The following ZNF562 variants were observed in gnomAD, a reference collection of about 807,000 sequenced individuals.
ZNF562 encodes zinc finger protein 562.
Under a neutral mutation model 17.5 loss-of-function variants are expected in ZNF562, and 13 were observed. The observed-to-expected ratio is 0.74, with a 90% CI of 0.48 to 1.18. The LOEUF (loss-of-function observed/expected upper bound fraction) is 1.18. Among genes scored for constraint, ZNF562 ranks in the 50% most tolerant of loss-of-function variants. The pLI is 0.00. For missense variants in ZNF562, 481 were observed against 498.5 expected, an observed-to-expected ratio of 0.96 and a Z score of 0.33; for synonymous variants, 163 against 165.4, an observed-to-expected ratio of 0.99 and a Z score of 0.11.
chr19:9,648,055 T>C lies in ZNF562; in HGVS notation c.*4894A>G, dbSNP rs1257260500. On this transcript the variant is annotated 3_prime_UTR_variant, in exon 6 of 6. Transcript: ENST00000453372. ...CCACTATTCCCAACCTAGATGACTCTTATAGATTAAGAATTTAGAAATAGT... is the reference window on the plus strand; with the variant it reads ...CCACTATTCCCAACCTAGATGACTCCTATAGATTAAGAATTTAGAAATAGT... 3 of 152,256 alleles carry C rather than the reference T, an allele frequency of 2.0e-5. No homozygotes were observed. Among genetic ancestry groups the C allele is most frequent in the Non-Finnish European group, 4.4e-5 (3 of 68,014 alleles). The allele number at this position is 152,256 out of a possible 1,614,324, so 9.4% of individuals were successfully genotyped here.
In ZNF562 at chr19:9,652,477, C is replaced by G. The variant is rs1198105582; in HGVS notation, c.*472G>C. ...CTAACCAACAGGGGCTGGGATCAAT[C>G]TGCATGATTTATCTCGTACAGAACT... is the stretch of plus-strand genomic sequence containing the variant. On this transcript the variant is annotated 3_prime_UTR_variant, in exon 6 of 6. Coordinates refer to ENST00000453372, the MANE Select transcript of ZNF562 (RefSeq NM_001130031.2). 6.6e-6 allele frequency: 1 copy of G among 152,504 alleles called. No homozygotes were observed. Among genetic ancestry groups the G allele is most frequent in the Admixed American group, 6.6e-5 (1 of 15,266 alleles). 9.4% of individuals were successfully genotyped at this position (152,504 alleles called of 1,614,324 possible). A position where few individuals can be genotyped will look rare whatever the true frequency, so the allele number is the denominator to read the frequency against.
rs1306003577 is a variant in ZNF562 at position 9,650,450 on chromosome 19, A to G, written c.*2499T>C. The G allele has an allele frequency of 6.6e-6, 1 of 150,804 alleles. No homozygotes were observed. The highest frequency in any genetic ancestry group is 1.5e-5 in the Non-Finnish European group (1 of 67,774). The allele number at this position is 150,804 out of a possible 1,614,324, so 9.3% of individuals were successfully genotyped here. On this transcript the variant is annotated 3_prime_UTR_variant, in exon 6 of 6. Coordinates refer to ENST00000453372, the MANE Select transcript of ZNF562 (RefSeq NM_001130031.2). ...CACACAGTGACCCCCCAAATTTCAT[A>G]TGAAGTTCCAAACCTCAATGTGACT...
Position 9,644,891 on chromosome 19 carries a change from T to A in ZNF562, c.*8058A>T, listed in dbSNP as rs562932093. 6 of 152,324 alleles carry A rather than the reference T, an allele frequency of 3.9e-5. No individual in the cohort carries two copies. The highest frequency in any genetic ancestry group is 1.4e-4 in the African/African-American group (6 of 41,582). 9.4% of individuals were successfully genotyped at this position (152,324 alleles called of 1,614,324 possible). A position where few individuals can be genotyped will look rare whatever the true frequency, so the allele number is the denominator to read the frequency against. Reference sequence around the variant, plus strand: ...CAGCCAAACCATATCAGCTGGCAACTTGCTTGCAGCTCATAACATCAACTG... The same window carrying A: ...CAGCCAAACCATATCAGCTGGCAACATGCTTGCAGCTCATAACATCAACTG... On this transcript the variant is annotated 3_prime_UTR_variant, in exon 6 of 6. Transcript: ENST00000453372.
At chr19:9,656,306 A>T (rs1198295974) in intron 5 of ZNF562, among the ~76,000 whole-genome samples, 1 of 152,132 alleles carries the variant, frequency 6.6e-6, no homozygotes, top group African/African-American at 2.4e-5. Flanking sequence ...TCAGGAGATC[A>T]AGACCATCCT....
At chr19:9,665,083 A>G (rs1349531586) in intron 1 of ZNF562, among the ~76,000 whole-genome samples, 5 of 152,046 alleles carry the variant, frequency 3.3e-5, no homozygotes, top group Admixed American at 3.3e-4. Flanking sequence ...TTAGCTGGGC[A>G]TGGTGGCACA....
chr19:9,658,598 C>T (rs537434078), intron 3 of ZNF562, among the ~76,000 whole-genome samples: 2 of 152,278 alleles, frequency 1.3e-5, no homozygotes, highest in East Asian at 3.9e-4. Flanking sequence ...GATCGGCCCA[C>T]CTCAGCCTCC....
rs116064245 is a variant in ZNF562 at position 9,668,490 on chromosome 19, C to T, written c.-131+6525G>A. On this transcript the variant is annotated intron_variant, in intron 1 of 5. Transcript: ENST00000453372. ...AGAATACAGAAAAAAAATGGAAAGA[C>T]ATTCCATGCTCATGGATTAGAAGAA... Among the ~76,000 whole-genome samples the T allele has an allele frequency of 3.6e-3, 543 of 152,184 alleles. 2 individuals are homozygous for T. The highest frequency in any genetic ancestry group is 0.012 in the African/African-American group (518 of 41,516).
chr19:9,662,861 A>G (rs1312511679), intron 1 of ZNF562, among the ~76,000 whole-genome samples: 1 of 151,796 alleles, frequency 6.6e-6, no homozygotes, highest in African/African-American at 2.4e-5. Context: ...TCTCTACTAA[A>G]AATACAAACC....
intron 3 of ZNF562, chr19:9,658,345 C>A: frequency 1.0e-6 from 1 of 983,640 alleles, no homozygotes; most frequent in African/African-American, 1.8e-5. Flanking sequence ...CACTTTTTTT[C>A]TTTCTTTCTT....
chr19:9,662,814 A>G (rs946712608), intron 1 of ZNF562, among the ~76,000 whole-genome samples: 1 of 152,028 alleles, frequency 6.6e-6, no homozygotes, highest in Non-Finnish European at 1.5e-5. Flanking sequence ...TGAGGTCAGG[A>G]GTTCAAGATC....
At chr19:9,669,732 GCGCA>G (rs1555699545) in intron 1 of ZNF562, among the ~76,000 whole-genome samples, 134 of 76,788 alleles carry the variant, frequency 1.7e-3, no homozygotes, top group East Asian at 8.7e-3. Flanking sequence ...GCGCGCGCGC[GCGCA>G]CACACACACA....
chr19:9,674,827 CT>C (rs957365650), intron 1 of ZNF562, 187 bp downstream of exon 1: 3 of 152,432 alleles, frequency 2.0e-5, no homozygotes, highest in Middle Eastern at 3.4e-3. Flanking sequence ...AACAAACACA[CT>C]TCCCGACGCA....
In ZNF562 at chr19:9,649,647, C is replaced by T. The variant is rs987688980; in HGVS notation, c.*3302G>A. The T allele has an allele frequency of 6.6e-6, 1 of 152,146 alleles. No homozygotes were observed. Among genetic ancestry groups the T allele is most frequent in the South Asian group, 2.1e-4 (1 of 4,832 alleles). 9.4% of individuals were successfully genotyped at this position (152,146 alleles called of 1,614,324 possible). A position where few individuals can be genotyped will look rare whatever the true frequency, so the allele number is the denominator to read the frequency against. The stretch of plus-strand genomic sequence containing the variant: ...GCTTATTAGGAAGAGGAAATTCCCA[C>T]CTAATAAATTTTAGTCAGACCAGTT... On this transcript the variant is annotated 3_prime_UTR_variant, in exon 6 of 6. Coordinates refer to ENST00000453372, the MANE Select transcript of ZNF562 (RefSeq NM_001130031.2).
chr19:9,656,867 C>CAAAAAAAA (rs1358160894), intron 4 of ZNF562, among the ~76,000 whole-genome samples: 1 of 112,952 alleles, frequency 8.9e-6, no homozygotes, highest in Admixed American at 9.6e-5. Context: ...TAGTAAAATA[C>CAAAAAAAA]AAAAATATAT....
chr19:9,645,135 C>G lies in ZNF562; in HGVS notation c.*7814G>C, dbSNP rs1291677924. 2.0e-5 allele frequency: 3 copies of G among 151,928 alleles called. No individual in the cohort carries two copies. Among genetic ancestry groups the G allele is most frequent in the African/African-American group, 7.3e-5 (3 of 41,338 alleles). 9.4% of individuals were successfully genotyped at this position (151,928 alleles called of 1,614,324 possible). On this transcript the variant is annotated 3_prime_UTR_variant, in exon 6 of 6. Coordinates refer to ENST00000453372, the MANE Select transcript of ZNF562 (RefSeq NM_001130031.2). ...CAATATCAGCTCACTGTAACCTCCA[C>G]CTCCCAGGTTGAAGTGATTCTCCCA...
At chr19:9,669,871 G>A (rs2044119296) in intron 1 of ZNF562, among the ~76,000 whole-genome samples, 3 of 151,842 alleles carry the variant, frequency 2.0e-5, no homozygotes, top group Admixed American at 2.0e-4. Context: ...AGACCAGCCT[G>A]GTCAACATGG....
intron 1 of ZNF562, among the ~76,000 whole-genome samples, chr19:9,667,209 C>T (rs1255877973): frequency 6.6e-6 from 1 of 152,120 alleles, no homozygotes; most frequent in Non-Finnish European, 1.5e-5. Context: ...AAGGATGGTT[C>T]AACATATGCA....
chr19:9,657,808 A>C (rs2043569525), intron 4 of ZNF562, among the ~76,000 whole-genome samples: 1 of 151,886 alleles, frequency 6.6e-6, no homozygotes, highest in Admixed American at 6.6e-5. Context: ...CAGCCTTCCA[A>C]AGTGCTGGGA....
At position 9,653,425 on chromosome 19, in the gene ZNF562, AG is replaced by A. The variant is rs1301639233; in HGVS notation, c.804del (p.Phe269SerfsTer45). 3.7e-6 allele frequency: 6 copies of A among 1,614,082 alleles called. No individual in the cohort carries two copies. Among genetic ancestry groups the A allele is most frequent in the Middle Eastern group, 1.6e-4 (1 of 6,084 alleles). On this transcript the variant is annotated frameshift_variant, in exon 6 of 6. Coordinates refer to ENST00000453372, the MANE Select transcript of ZNF562 (RefSeq NM_001130031.2). LOFTEE classifies it low-confidence loss of function (END_TRUNC). ...KSEKTKNCGKSFTNFSQLSAH... is the reference protein window; with the variant it reads ...KSEKTKNCGKXFTNFSQLSAH... ...GCAGAAAGTTGAGAAAAATTAGTGA[AG>A]GATTTCCCACAGTTCTTAGTCTTTT...
Sources: allele counts gnomAD v4.1 joint callset (sites outside exome capture counted in the v4.1 genomes callset), GRCh38; gene constraint gnomAD v4.1.1; transcripts MANE v1.5; gene names NCBI Gene and HGNC (gene_info 2026-07-23, HGNC 2026-07-21).